Variants in IGSF10 observed in about 807,000 individuals in gnomAD.
IGSF10 encodes calvaria mechanical force protein 608.
IGSF10 carries 126 observed loss-of-function variants against 128.2 expected under a neutral mutation model. The observed-to-expected ratio is 0.98, with a 90% CI of 0.85 to 1.14. The LOEUF (loss-of-function observed/expected upper bound fraction) is 1.14, where lower values mean the gene tolerates loss of function less well. Among genes scored for constraint, IGSF10 ranks in the 50% most tolerant of loss-of-function variants. IGSF10 has a pLI of 0.00. For synonymous variants in IGSF10, 1,185 were observed against 1,146.2 expected (o/e 1.03, Z -0.68); for missense variants, 3,295 against 3,149.8 (o/e 1.05, Z -1.10).
At chr3:151,610,784 T>C in the IGSF10 span, among the ~76,000 whole-genome samples, 1 of 152,168 alleles carries the variant, frequency 6.6e-6, no homozygotes, top group Non-Finnish European at 1.5e-5. Flanking sequence ...CAGAAGGCAT[T>C]ACATGGAGAG....
At chr3:151,460,755 C>T (rs1722013126) in intron 1 of IGSF10, among the ~76,000 whole-genome samples, 191 bp downstream of exon 1, 1 of 151,746 alleles carries the variant, frequency 6.6e-6, no homozygotes, top group African/African-American at 2.4e-5. Flanking sequence ...TGCCTGGCAC[C>T]AGTCACCGAA....
chr3:151,463,499 T>C (rs1467764114), upstream of IGSF10, among the ~76,000 whole-genome samples: 1 of 150,314 alleles, frequency 6.7e-6, no homozygotes, highest in African/African-American at 2.4e-5. Flanking sequence ...GTAAAACCAA[T>C]GCTTTTAAGC....
At chr3:151,517,635 T>G in the IGSF10 span, among the ~76,000 whole-genome samples, 1 of 151,926 alleles carries the variant, frequency 6.6e-6, no homozygotes, top group African/African-American at 2.4e-5. Context: ...ACTAAGGCCC[T>G]ATGTTTTGGT....
chr3:151,480,896 C>T, the IGSF10 span, among the ~76,000 whole-genome samples: 2 of 152,140 alleles, frequency 1.3e-5, no homozygotes, highest in African/African-American at 4.8e-5. Flanking sequence ...CAGCAACCTG[C>T]ATCTCCAGCA....
At chr3:151,563,569 AT>A in the IGSF10 span, among the ~76,000 whole-genome samples, 1 of 152,036 alleles carries the variant, frequency 6.6e-6, no homozygotes, top group Non-Finnish European at 1.5e-5. Context: ...AACAACTTGC[AT>A]TTTTTCCTTC....
upstream of IGSF10, among the ~76,000 whole-genome samples, chr3:151,464,545 C>T (rs1181801240): frequency 6.6e-6 from 1 of 152,130 alleles, no homozygotes; most frequent in Non-Finnish European, 1.5e-5. Context: ...CAAGCAGTTA[C>T]AAGTCATAGA....
the IGSF10 span, among the ~76,000 whole-genome samples, chr3:151,561,749 A>T: frequency 9.8e-4 from 150 of 152,294 alleles, no homozygotes; most frequent in African/African-American, 3.5e-3. Context: ...GGGGAGAGGT[A>T]TACATATCTC....
chr3:151,452,305 A>C (rs1254855101), intron 5 of IGSF10, among the ~76,000 whole-genome samples: 1 of 152,234 alleles, frequency 6.6e-6, no homozygotes, highest in Non-Finnish European at 1.5e-5. Context: ...AAACCTAGAT[A>C]GTATAGCCTA....
the IGSF10 span, among the ~76,000 whole-genome samples, chr3:151,579,543 A>T: frequency 0.011 from 1,655 of 152,156 alleles, 24 homozygotes; most frequent in Middle Eastern, 0.044. Flanking sequence ...CAGAAACAAA[A>T]AATATGTAGT....
At chr3:151,578,704 T>C in the IGSF10 span, among the ~76,000 whole-genome samples, 1 of 152,122 alleles carries the variant, frequency 6.6e-6, no homozygotes, top group Admixed American at 6.6e-5. Context: ...TTTAAGCCAC[T>C]AGGGGCAGGA....
the IGSF10 span, among the ~76,000 whole-genome samples, chr3:151,534,503 C>A: frequency 2.6e-4 from 39 of 152,042 alleles, no homozygotes; most frequent in African/African-American, 9.4e-4. Context: ...TGTCCTTTTC[C>A]GGGACATGGA....
rs1720460382 is a variant in IGSF10, at chr3:151,437,589, C to A, written c.6972G>T (p.Leu2324Phe). ...TTTCCAGTACTTCTAACTGTACTAC[C>A]AACACGCTCTCTCCACCTTCATTTC... Reference protein sequence around the residue: ...VARNEGGESVLVVQLEVLEML... With the variant: ...VARNEGGESVFVVQLEVLEML... Residue 2324 changes from leucine to phenylalanine, a missense_variant, in exon 8 of 8, where the codon TTG becomes TTT. Physicochemically the swap from Leu to Phe is conservative, Grantham distance 22 (BLOSUM62 0). Transcript: ENST00000282466. The A allele has an allele frequency of 6.2e-7, 1 of 1,614,150 alleles. No individual in the cohort carries two copies. Among genetic ancestry groups the A allele is most frequent in the Non-Finnish European group, 8.5e-7 (1 of 1,180,030 alleles).
chr3:151,613,253 G>T, the IGSF10 span, among the ~76,000 whole-genome samples: 3 of 152,098 alleles, frequency 2.0e-5, no homozygotes, highest in African/African-American at 7.2e-5. Flanking sequence ...ACTGCCAAAG[G>T]TAATTTATAG....
chr3:151,572,399 C>T, the IGSF10 span, among the ~76,000 whole-genome samples: 5 of 152,022 alleles, frequency 3.3e-5, no homozygotes, highest in African/African-American at 7.3e-5. Context: ...ATTTTTAGAG[C>T]CTGTTATTGG....
chr3:151,475,513 T>C, the IGSF10 span, among the ~76,000 whole-genome samples: 2 of 152,222 alleles, frequency 1.3e-5, no homozygotes, highest in African/African-American at 2.4e-5. Context: ...CCTGTAACAT[T>C]TGGCCTATCC....
chr3:151,432,941 C>CA (rs35536198), downstream of IGSF10: 3,437 of 467,188 alleles, frequency 7.4e-3, 4 homozygotes, highest in East Asian at 0.024. Context: ...CTACATCTCA[C>CA]AAAAAAAAAA....
chr3:151,606,684 A>G, the IGSF10 span, among the ~76,000 whole-genome samples: 2 of 152,200 alleles, frequency 1.3e-5, no homozygotes, highest in African/African-American at 4.8e-5. Context: ...TGCAAGGTAA[A>G]GCTGAGAAAG....
At chr3:151,483,166 A>G in the IGSF10 span, among the ~76,000 whole-genome samples, 1 of 152,226 alleles carries the variant, frequency 6.6e-6, no homozygotes, top group Non-Finnish European at 1.5e-5. Context: ...AATATTGTAA[A>G]GCTGGCGTGT....
At chr3:151,441,781 G>A (rs1006413939) in intron 7 of IGSF10, among the ~76,000 whole-genome samples, 3 of 152,170 alleles carry the variant, frequency 2.0e-5, no homozygotes, top group African/African-American at 7.2e-5. Context: ...GAATATTGAG[G>A]CCAGGCACGG....
Sources: allele counts gnomAD v4.1 joint callset (sites outside exome capture counted in the v4.1 genomes callset), GRCh38; gene constraint gnomAD v4.1.1; transcripts MANE v1.5; gene names NCBI Gene and HGNC (gene_info 2026-07-23, HGNC 2026-07-21).